OARD1: variants seen among roughly 807,000 people sequenced by gnomAD.
OARD1 encodes O-acyl-ADP-ribose deacylase 1.
In OARD1, 19 loss-of-function variants were observed where a neutral mutation model predicts 19.7. The ratio of observed to expected loss-of-function variants is 0.96; its 90% CI spans 0.67 to 1.41. OARD1 has a LOEUF of 1.41. OARD1 is among the 40% of genes most tolerant of loss of function. The pLI, the probability that OARD1 is intolerant of heterozygous loss-of-function variation, is 0.00. For synonymous variants in OARD1, 70 were observed against 61.8 expected (o/e 1.13, Z -0.62); for missense variants, 190 against 183.8 (o/e 1.03, Z -0.20).
chr6:41,071,576 A>T lies in OARD1; in HGVS notation c.39+20T>A. ...TATTACGAATTTCAGTTCACCAATA[A>T]GTCAATAGTTGTTACGCACTCTGCT... On this transcript the variant is annotated intron_variant, in intron 2 of 5. Coordinates refer to ENST00000424266, the MANE Select transcript of OARD1 (RefSeq NM_001329686.2). 1 of 1,600,238 alleles carries T rather than the reference A, an allele frequency of 6.2e-7. No individual in the cohort carries two copies. Among genetic ancestry groups the T allele is most frequent in the South Asian group, 1.1e-5 (1 of 90,792 alleles).
Position 41,067,279 on chromosome 6 carries a change from A to G in OARD1, c.*56T>C, listed in dbSNP as rs1470222391. 3.6e-6 allele frequency: 4 copies of G among 1,126,350 alleles called. No individual in the cohort carries two copies. The African/African-American group carries it at 6.2e-5, about 17-fold the overall frequency. 69.8% of individuals were successfully genotyped at this position (1,126,350 alleles called of 1,614,324 possible). ...TTTTAAGGTAGGTTTGCCCGGTCCT[A>G]TGGCCCAGTAGAGATGACACAGGAG... On this transcript the variant is annotated 3_prime_UTR_variant, in exon 6 of 6. Transcript: ENST00000424266.
chr6:41,084,768 G>A (rs1449367764), intron 1 of OARD1, among the ~76,000 whole-genome samples: 1 of 152,196 alleles, frequency 6.6e-6, no homozygotes, highest in South Asian at 2.1e-4. Flanking sequence ...TTCAAGACCA[G>A]CCTGGCCAAC....
In OARD1 at chr6:41,069,528, C is replaced by T. The variant is rs140091077; in HGVS notation, c.243+548G>A. On this transcript the variant is annotated intron_variant, in intron 4 of 5. Transcript: ENST00000424266. Reference sequence around the variant, plus strand: ...AGGCTTGTAGTGGGTTAGCTGTAAGCTACCCACCACCACCACTAAGGAAGC... The same window carrying T: ...AGGCTTGTAGTGGGTTAGCTGTAAGTTACCCACCACCACCACTAAGGAAGC... 717 of 166,786 alleles carry T rather than the reference C, an allele frequency of 4.3e-3. 17 individuals are homozygous for T. The South Asian group carries it at 0.06, about 14-fold the overall frequency. The allele number at this position is 166,786 out of a possible 1,614,324, so 10.3% of individuals were successfully genotyped here.
chr6:41,087,462 AT>A (rs1358004047), intron 1 of OARD1, among the ~76,000 whole-genome samples: 1 of 152,198 alleles, frequency 6.6e-6, no homozygotes, highest in Non-Finnish European at 1.5e-5. Flanking sequence ...CCAAGTTGAA[AT>A]TATGGATGGA....
In OARD1 at chr6:41,069,282, C is replaced by A. The variant is rs556741522; in HGVS notation, c.244-329G>T. The A allele has an allele frequency of 2.9e-5, 5 of 172,228 alleles. No individual in the cohort carries two copies. In the South Asian group the frequency reaches 5.1e-4, roughly 18 times the overall value. 10.7% of individuals were successfully genotyped at this position (172,228 alleles called of 1,614,324 possible). On this transcript the variant is annotated intron_variant, in intron 4 of 5. Coordinates refer to ENST00000424266, the MANE Select transcript of OARD1 (RefSeq NM_001329686.2). ...CTCTGTGCCACTTCCAAGAGATAAG[C>A]TGCATATCTCTAACAGGGAAGAAAG...
In OARD1 at chr6:41,067,266, T is replaced by C. The variant is rs1763059060; in HGVS notation, c.*69A>G. 2.1e-6 allele frequency: 2 copies of C among 939,872 alleles called. No homozygotes were observed. The highest frequency in any genetic ancestry group is 1.5e-5 in the South Asian group (1 of 65,660). The allele number at this position is 939,872 out of a possible 1,614,324, so 58.2% of individuals were successfully genotyped here. ...TTTCCTCTGCCTATTTTAAGGTAGG[T>C]TTGCCCGGTCCTATGGCCCAGTAGA... On this transcript the variant is annotated 3_prime_UTR_variant, in exon 6 of 6. Transcript: ENST00000424266.
At position 41,071,278 on chromosome 6, in the gene OARD1, T is replaced by C. The variant is rs1763367022; in HGVS notation, c.40-2A>G. On this transcript the variant is annotated splice_acceptor_variant, in intron 2 of 5. Coordinates refer to ENST00000424266, the MANE Select transcript of OARD1 (RefSeq NM_001329686.2). LOFTEE classifies it high-confidence loss of function. ...AAGGTCTCCTTTCACATAAGTGATC[T>C]AAAAAATGTGCAAAGGAAAAGACAA... 3.7e-6 allele frequency: 6 copies of C among 1,612,566 alleles called. No homozygotes were observed. The East Asian group carries it at 1.1e-4, about 30-fold the overall frequency.
chr6:41,084,382 G>A (rs900505320), intron 1 of OARD1, among the ~76,000 whole-genome samples: 1 of 152,198 alleles, frequency 6.6e-6, no homozygotes, highest in African/African-American at 2.4e-5. Flanking sequence ...GACAGCTCCA[G>A]TAATGACTAA....
At chr6:41,069,027 T>C in intron 4 of OARD1, 74 bp from the exon 5 acceptor site, 1 of 743,644 alleles carries the variant, frequency 1.3e-6, no homozygotes, top group Non-Finnish European at 2.2e-6. Context: ...TCCCCCAACA[T>C]CCCAATAATT....
At chr6:41,087,318 G>A (rs555464683) in intron 1 of OARD1, among the ~76,000 whole-genome samples, 59 of 152,292 alleles carry the variant, frequency 3.9e-4, no homozygotes, top group African/African-American at 1.3e-3. Context: ...ATCCATGAAT[G>A]TCTCTAAGAC....
At chr6:41,087,992 CA>C (rs1196591286) in intron 1 of OARD1, among the ~76,000 whole-genome samples, 1 of 152,048 alleles carries the variant, frequency 6.6e-6, no homozygotes, top group Non-Finnish European at 1.5e-5. Context: ...ATTAAATCAA[CA>C]AAAATTTGAC....
upstream of OARD1, among the ~76,000 whole-genome samples, chr6:41,076,959 T>A (rs1763748770): frequency 6.6e-6 from 1 of 152,238 alleles, no homozygotes. Flanking sequence ...TTGAAGCTGC[T>A]CTTCAAATCT....
At chr6:41,074,585 G>A (rs1561848619), upstream of OARD1, among the ~76,000 whole-genome samples, 1 of 152,228 alleles carries the variant, frequency 6.6e-6, no homozygotes, top group African/African-American at 2.4e-5. Context: ...GAGAAGAAAA[G>A]CATGTGCAGA....
intron 1 of OARD1, among the ~76,000 whole-genome samples, chr6:41,086,522 G>T (rs1042196809): frequency 4.0e-5 from 6 of 151,892 alleles, no homozygotes; most frequent in South Asian, 2.1e-4. Flanking sequence ...TTGTATAGGA[G>T]TTTTTTTTCT....
At chr6:41,086,290 T>C (rs1764041930) in intron 1 of OARD1, among the ~76,000 whole-genome samples, 1 of 152,178 alleles carries the variant, frequency 6.6e-6, no homozygotes, top group Non-Finnish European at 1.5e-5. Context: ...CATCCAAAAA[T>C]AAAATTTATA....
At position 41,064,875 on chromosome 6, in the gene OARD1, G is replaced by A. The variant is rs1581993197; in HGVS notation, c.*2460C>T. 1 of 151,500 alleles carries A rather than the reference G, an allele frequency of 6.6e-6. No individual in the cohort carries two copies. The highest frequency in any genetic ancestry group is 1.9e-4 in the East Asian group (1 of 5,190). The allele number at this position is 151,500 out of a possible 1,614,324, so 9.4% of individuals were successfully genotyped here. ...CATTTAAAAGTATTCAATACATGGT[G>A]TTTGATGGTAATGGCAGGATGATGT... On this transcript the variant is annotated 3_prime_UTR_variant, in exon 6 of 6. Transcript: ENST00000424266.
In OARD1 at chr6:41,093,529, G is replaced by A. The variant is rs1764253166; in HGVS notation, c.-42+4184C>T. Among the ~76,000 whole-genome samples, 3 of 151,582 alleles carry A rather than the reference G, an allele frequency of 2.0e-5. No individual in the cohort carries two copies. The South Asian group carries it at 6.3e-4, about 32-fold the overall frequency. Reference sequence around the variant, plus strand: ...TCTGTCATCCAGGCCGGAGTGCAGTGGCACAATCTCAGCTCACTGCAACCT... The same window carrying A: ...TCTGTCATCCAGGCCGGAGTGCAGTAGCACAATCTCAGCTCACTGCAACCT... On this transcript the variant is annotated intron_variant, in intron 1 of 4. Coordinates refer to the OARD1 transcript ENST00000480585.
At chr6:41,090,434 A>G (rs1764169518) in intron 1 of OARD1, 7 of 575,646 alleles carry the variant, frequency 1.2e-5, no homozygotes, top group African/African-American at 7.5e-5. Flanking sequence ...AAAAAAAAAA[A>G]GATTTCCTCT....
chr6:41,066,583 CAG>C lies in OARD1; in HGVS notation c.*750_*751del, dbSNP rs1306123561. 3 of 152,188 alleles carry C rather than the reference CAG, an allele frequency of 2.0e-5. No individual in the cohort carries two copies. Among genetic ancestry groups the C allele is most frequent in the African/African-American group, 7.2e-5 (3 of 41,450 alleles). 9.4% of individuals were successfully genotyped at this position (152,188 alleles called of 1,614,324 possible). On this transcript the variant is annotated 3_prime_UTR_variant, in exon 6 of 6. Coordinates refer to ENST00000424266, the MANE Select transcript of OARD1 (RefSeq NM_001329686.2). The stretch of plus-strand genomic sequence containing the variant: ...GATTAAATTCAGGCAGGTTCAATCA[CAG>C]AAACCATGCAGTGGACAAAAGAGAG...
Sources: gnomAD v4.1 joint callset for allele counts (sites outside exome capture counted in the v4.1 genomes callset) on GRCh38, gnomAD v4.1.1 for gene constraint, MANE v1.5 for transcripts, NCBI Gene and HGNC (gene_info 2026-07-23, HGNC 2026-07-21) for gene names.